XG: variants seen among roughly 807,000 people sequenced by gnomAD.
XG encodes glycoprotein Xg.
In XG, 24 loss-of-function variants were observed where a neutral mutation model predicts 25.7. The ratio of observed to expected loss-of-function variants is 0.93; its 90% CI spans 0.68 to 1.31. The LOEUF (loss-of-function observed/expected upper bound fraction) is 1.31, where lower values mean the gene tolerates loss of function less well. Among genes scored for constraint, XG ranks in the 40% most tolerant of loss-of-function variants. The pLI is 0.00. For missense variants in XG, 181 were observed against 187.6 expected (o/e 0.96, Z 0.21); for synonymous variants, 77 against 69.2 (o/e 1.11, Z -0.56).
rs780559044 is a variant in XG at position 2,763,848 on chromosome X, G to T, written c.62-6702G>T. On this transcript the variant is annotated intron_variant, in intron 1 of 10. Coordinates refer to ENST00000644266, the MANE Select transcript of XG (RefSeq NM_001141919.2). ...TTCCTCACGCTGCAATCCCAATGGC[G>T]GTGTTCGGCTTTACTGCACAGGGCC... Among the ~76,000 whole-genome samples the T allele has an allele frequency of 7.6e-4, 116 of 152,206 alleles. 2 individuals are homozygous for T. In the South Asian group the frequency reaches 0.023, roughly 30 times the overall value.
intron 3 of XG, among the ~76,000 whole-genome samples, chrX:2,781,297 C>T (rs2051115006): frequency 6.6e-6 from 1 of 151,360 alleles, no homozygotes; most frequent in African/African-American, 2.4e-5. Flanking sequence ...AGAAACTCCC[C>T]AGGCCTCCAC....
At chrX:2,768,080 G>A (rs2050738630) in intron 1 of XG, among the ~76,000 whole-genome samples, 1 of 152,086 alleles carries the variant, frequency 6.6e-6, no homozygotes. Context: ...CAGCCCTCCC[G>A]TGCCACCTGC....
chrX:2,755,177 C>A (rs1416801234), intron 1 of XG, among the ~76,000 whole-genome samples: 1 of 152,148 alleles, frequency 6.6e-6, no homozygotes, highest in Admixed American at 6.5e-5. Flanking sequence ...ATAAAGAATT[C>A]AGGGCTAGTC....
At chrX:2,813,322 A>C (rs2087074945) in intron 10 of XG, among the ~76,000 whole-genome samples, 1 of 110,660 alleles carries the variant, frequency 9.0e-6, no homozygotes, top group African/African-American at 3.3e-5. Flanking sequence ...ATTTATGTGG[A>C]TCCTGGGCCT....
intron 9 of XG, among the ~76,000 whole-genome samples, chrX:2,808,930 C>G (rs1416545796): frequency 9.0e-6 from 1 of 111,415 alleles, no homozygotes; most frequent in South Asian, 3.8e-4. Flanking sequence ...ACCTTTTTCC[C>G]TCTGTGGTGT....
At chrX:2,790,064 A>G (rs952255384) in intron 5 of XG, among the ~76,000 whole-genome samples, 3 of 110,892 alleles carry the variant, frequency 2.7e-5, no homozygotes, top group African/African-American at 9.9e-5. Flanking sequence ...AATTTTTTGC[A>G]GAGACAGGAT....
chrX:2,768,282 C>T (rs1178943961), intron 1 of XG, among the ~76,000 whole-genome samples: 1 of 152,164 alleles, frequency 6.6e-6, no homozygotes. Context: ...TATTGGTCAA[C>T]GGCGAACACA....
chrX:2,802,930 G>T (rs1238972376), intron 7 of XG, among the ~76,000 whole-genome samples: 1 of 111,331 alleles, frequency 9.0e-6, no homozygotes, highest in Admixed American at 9.6e-5. Context: ...TGTTAAGCTG[G>T]AACTTCCTCC....
chrX:2,762,995 T>C (rs968357462), intron 1 of XG, among the ~76,000 whole-genome samples: 2 of 152,178 alleles, frequency 1.3e-5, no homozygotes, highest in African/African-American at 4.8e-5. Flanking sequence ...TCAATATGTT[T>C]AGTTTCCTGT....
intron 1 of XG, among the ~76,000 whole-genome samples, chrX:2,756,451 G>A (rs1424510911): frequency 6.6e-6 from 1 of 152,092 alleles, no homozygotes; most frequent in Non-Finnish European, 1.5e-5. Flanking sequence ...GAGTCGGAAT[G>A]GTTCTAATAT....
intron 3 of XG, among the ~76,000 whole-genome samples, chrX:2,776,710 T>C (rs1035493926): frequency 3.3e-5 from 5 of 152,030 alleles, no homozygotes; most frequent in Non-Finnish European, 7.4e-5. Flanking sequence ...TTGCCAGGCA[T>C]GGTGGCGGGC....
chrX:2,782,339 A>T lies in XG; in HGVS notation c.190+211A>T, dbSNP rs1156312010. ...CCCTTTGCTTTGACATCTAGAAACC[A>T]CTAAGGTGTACTTGTAACCACCCAA... On this transcript the variant is annotated intron_variant, in intron 4 of 10. Coordinates refer to ENST00000644266, the MANE Select transcript of XG (RefSeq NM_001141919.2). 1.8e-4 allele frequency among the ~76,000 whole-genome samples: 20 copies of T among 112,425 alleles called. No individual in the cohort carries two copies. The Admixed American group carries it at 1.9e-3, about 11-fold the overall frequency.
chrX:2,806,605 TCTTG>T lies in XG; in HGVS notation c.374-92_374-89del, dbSNP rs2087000185. 26 of 771,678 alleles carry T rather than the reference TCTTG, an allele frequency of 3.4e-5. 1 individual carries two copies. The South Asian group carries it at 6.2e-4, about 19-fold the overall frequency. 63.6% of individuals were successfully genotyped at this position (771,678 alleles called of 1,213,427 possible). A position where few individuals can be genotyped will look rare whatever the true frequency, so the allele number is the denominator to read the frequency against. Reference sequence around the variant, plus strand: ...GGAATCTCTGCAGCTTTTAAGAGCATCTTGCTTCAGGTTTGCTGACCTGCTTGCT... The same window carrying T: ...GGAATCTCTGCAGCTTTTAAGAGCATCTTCAGGTTTGCTGACCTGCTTGCT... On this transcript the variant is annotated intron_variant, in intron 7 of 10. Coordinates refer to ENST00000644266, the MANE Select transcript of XG (RefSeq NM_001141919.2).
intron 3 of XG, among the ~76,000 whole-genome samples, chrX:2,776,139 T>C (rs1569462882): frequency 1.1e-5 from 1 of 93,254 alleles, no homozygotes; most frequent in African/African-American, 3.5e-5. Context: ...AGAAAAACGC[T>C]TTGAGACAAA....
intron 2 of XG, among the ~76,000 whole-genome samples, chrX:2,772,720 A>G (rs1345058295): frequency 6.6e-6 from 1 of 152,240 alleles, no homozygotes; most frequent in Admixed American, 6.5e-5. Flanking sequence ...GTTTCACATT[A>G]ATTTTTTAAA....
At chrX:2,801,896 A>G (rs2086945612) in intron 7 of XG, among the ~76,000 whole-genome samples, 2 of 109,311 alleles carry the variant, frequency 1.8e-5, no homozygotes, top group Admixed American at 2.0e-4. Flanking sequence ...TTTAGTAGAG[A>G]CGGGGTTTCA....
At chrX:2,770,751 C>A (rs758424404) in intron 2 of XG, among the ~76,000 whole-genome samples, 160 bp downstream of exon 2, 33 of 152,232 alleles carry the variant, frequency 2.2e-4, no homozygotes, top group African/African-American at 7.9e-4. Flanking sequence ...TGAGACAAAC[C>A]TTTACACACT....
chrX:2,753,521 T>C (rs182821844), intron 1 of XG, among the ~76,000 whole-genome samples: 1 of 152,292 alleles, frequency 6.6e-6, no homozygotes, highest in Admixed American at 6.5e-5. Flanking sequence ...TTTACAACGG[T>C]GTAAAATTGG....
At chrX:2,775,734 T>C (rs1157215779) in intron 3 of XG, among the ~76,000 whole-genome samples, 4 of 151,844 alleles carry the variant, frequency 2.6e-5, no homozygotes, top group Non-Finnish European at 4.4e-5. Context: ...GGTGGGCAGA[T>C]CATCTGAGGT....
Sources: gnomAD v4.1 joint callset for allele counts (sites outside exome capture counted in the v4.1 genomes callset) on GRCh38, gnomAD v4.1.1 for gene constraint, MANE v1.5 for transcripts, NCBI Gene and HGNC (gene_info 2026-07-23, HGNC 2026-07-21) for gene names.